Variants in EXOC4 observed in about 807,000 individuals in gnomAD.
EXOC4 encodes SEC8-like 1.
A neutral mutation model predicts 107.2 loss-of-function variants in EXOC4; 71 were observed. That is an observed-to-expected ratio of 0.66 (90% CI 0.55 to 0.81). The LOEUF is 0.81. EXOC4 is among the 30% of genes least tolerant of loss of function. EXOC4 has a pLI of 0.00. For synonymous variants in EXOC4, 456 were observed against 441.2 expected, an observed-to-expected ratio of 1.03 and a Z score of -0.42; for missense variants, 1,108 against 1,189.6, an observed-to-expected ratio of 0.93 and a Z score of 1.01.
At chr7:133,972,886 C>T (rs1204052676) in intron 14 of EXOC4, among the ~76,000 whole-genome samples, 2 of 152,164 alleles carry the variant, frequency 1.3e-5, no homozygotes, top group African/African-American at 4.8e-5. Flanking sequence ...CCATCTTCTC[C>T]AGTAGGCATC....
At chr7:133,412,278 G>GTTTCTTTTTT in intron 7 of EXOC4, among the ~76,000 whole-genome samples, 1 of 71,476 alleles carries the variant, frequency 1.4e-5, no homozygotes, top group Non-Finnish European at 2.4e-5. Flanking sequence ...TCAGAATTCA[G>GTTTCTTTTTT]TTTTTTTTTT....
intron 7 of EXOC4, among the ~76,000 whole-genome samples, chr7:133,431,028 C>G (rs1797844502): frequency 6.6e-6 from 1 of 152,188 alleles, no homozygotes; most frequent in Admixed American, 6.5e-5. Flanking sequence ...TCTAATCCAA[C>G]CCGTTTGTTT....
intron 5 of EXOC4, among the ~76,000 whole-genome samples, chr7:133,330,883 A>G (rs1041940262): frequency 6.6e-6 from 1 of 150,520 alleles, no homozygotes; most frequent in African/African-American, 2.4e-5. Flanking sequence ...TGCAAACCGG[A>G]GCTGTTCCTA....
chr7:134,072,777 G>A, the EXOC4 span, among the ~76,000 whole-genome samples: 2 of 152,126 alleles, frequency 1.3e-5, no homozygotes, highest in African/African-American at 4.8e-5. Flanking sequence ...TGCCTGGCAT[G>A]TCATTAGTAT....
chr7:133,906,129 T>C (rs981121428), intron 12 of EXOC4, among the ~76,000 whole-genome samples: 2 of 152,132 alleles, frequency 1.3e-5, no homozygotes, highest in African/African-American at 2.4e-5. Context: ...ATCGAAGTGG[T>C]GTTTTATGAT....
At chr7:133,788,140 C>T (rs1264095885) in intron 10 of EXOC4, among the ~76,000 whole-genome samples, 1 of 150,430 alleles carries the variant, frequency 6.6e-6, no homozygotes, top group Non-Finnish European at 1.5e-5. Context: ...CCCTACTCAT[C>T]TTCTCTACCT....
intron 17 of EXOC4, among the ~76,000 whole-genome samples, chr7:134,018,285 T>C (rs1794954773): frequency 6.6e-6 from 1 of 152,194 alleles, no homozygotes; most frequent in South Asian, 2.1e-4. Flanking sequence ...AATAAAGATG[T>C]AGTGTTTAAA....
At chr7:133,786,340 G>A (rs1370761145) in intron 10 of EXOC4, among the ~76,000 whole-genome samples, 1 of 152,148 alleles carries the variant, frequency 6.6e-6, no homozygotes, top group Non-Finnish European at 1.5e-5. Flanking sequence ...TGCTGATACT[G>A]TGCACATCAC....
intron 17 of EXOC4, among the ~76,000 whole-genome samples, chr7:134,020,164 C>T (rs866875139): frequency 2.1e-4 from 32 of 152,318 alleles, no homozygotes; most frequent in African/African-American, 7.0e-4. Flanking sequence ...AAACCAAGTG[C>T]TTCCCAAAGA....
intron 9 of EXOC4, among the ~76,000 whole-genome samples, chr7:133,558,863 T>C (rs890541543): frequency 5.3e-5 from 8 of 152,180 alleles, no homozygotes; most frequent in Non-Finnish European, 5.9e-5. Flanking sequence ...GAGGAAACCC[T>C]GTGCCCACCT....
intron 9 of EXOC4, among the ~76,000 whole-genome samples, chr7:133,586,899 C>T (rs1466100521): frequency 6.6e-6 from 1 of 152,034 alleles, no homozygotes; most frequent in Non-Finnish European, 1.5e-5. Context: ...GGTGCGATCT[C>T]GGCTCACTGC....
In EXOC4 at chr7:133,356,446, GA is replaced by G. The variant is rs1479302673; in HGVS notation, c.883del (p.Thr295GlnfsTer6). The G allele has an allele frequency of 3.7e-6, 6 of 1,614,058 alleles. No homozygotes were observed. Among genetic ancestry groups the G allele is most frequent in the Non-Finnish European group, 5.1e-6 (6 of 1,180,030 alleles). ...KGLAKLKKIP[E>X]TVKAIIERLE... ...CTTGGCGAAACTGAAGAAGATCCCA[GA>G]AACAGTTAAGGCAATCATAGAGCGC... On this transcript the variant is annotated frameshift_variant, in exon 6 of 18. Transcript: ENST00000253861. LOFTEE classifies it high-confidence loss of function.
chr7:133,709,958 C>T lies in EXOC4; in HGVS notation c.1514+79817C>T, dbSNP rs186162342. ...AGTTATTATTACACATATGTTATTA[C>T]ACCAAACTTAAATTGGTCACCATTA... On this transcript the variant is annotated intron_variant, in intron 10 of 17. Transcript: ENST00000253861. 8.5e-5 allele frequency among the ~76,000 whole-genome samples: 13 copies of T among 152,286 alleles called. No individual in the cohort carries two copies. In the East Asian group the frequency reaches 2.5e-3, roughly 29 times the overall value.
the EXOC4 span, among the ~76,000 whole-genome samples, chr7:134,083,100 G>A: frequency 2.6e-5 from 4 of 152,238 alleles, no homozygotes; most frequent in African/African-American, 4.8e-5. Context: ...TTACATATCC[G>A]TGACTCAGTA....
intron 10 of EXOC4, among the ~76,000 whole-genome samples, chr7:133,657,523 G>A (rs1194508740): frequency 1.3e-5 from 2 of 152,168 alleles, no homozygotes; most frequent in Non-Finnish European, 2.9e-5. Flanking sequence ...CATTTTGTAA[G>A]TGGTGTGCGT....
chr7:133,509,302 C>T (rs1584966688), intron 9 of EXOC4, among the ~76,000 whole-genome samples: 1 of 152,018 alleles, frequency 6.6e-6, no homozygotes, highest in African/African-American at 2.4e-5. Flanking sequence ...GTGGCGGGTG[C>T]CTGTAGTCCC....
chr7:133,775,359 G>C (rs962847472), intron 10 of EXOC4, among the ~76,000 whole-genome samples: 2 of 152,162 alleles, frequency 1.3e-5, no homozygotes, highest in Admixed American at 1.3e-4. Flanking sequence ...GAGAAATGAC[G>C]TCAAGCCACC....
intron 6 of EXOC4, among the ~76,000 whole-genome samples, chr7:133,366,002 G>T (rs138831091): frequency 1.4e-3 from 213 of 152,262 alleles, no homozygotes; most frequent in African/African-American, 4.8e-3. Context: ...TAAAGTCTCA[G>T]CAGACAAGTA....
At chr7:133,632,414 T>A (rs1251053574) in intron 10 of EXOC4, among the ~76,000 whole-genome samples, 10 of 152,218 alleles carry the variant, frequency 6.6e-5, no homozygotes, top group Non-Finnish European at 1.2e-4. Flanking sequence ...GTTCATTCTT[T>A]GATAAACGGA....
Sources: allele counts gnomAD v4.1 joint callset (sites outside exome capture counted in the v4.1 genomes callset), GRCh38; gene constraint gnomAD v4.1.1; transcripts MANE v1.5; gene names NCBI Gene and HGNC (gene_info 2026-07-23, HGNC 2026-07-21).